TEX36: variants seen among roughly 807,000 people sequenced by gnomAD.
The protein encoded by TEX36 is testis-expressed protein 36.
A neutral mutation model predicts 13.6 loss-of-function variants in TEX36; 12 were observed. That is an observed-to-expected ratio of 0.88 (90% CI 0.56 to 1.43). TEX36 has a LOEUF of 1.43. Among genes scored for constraint, TEX36 ranks in the 40% most tolerant of loss-of-function variants. The pLI is 0.00. For missense variants in TEX36, 224 were observed against 228.3 expected (o/e 0.98, Z 0.12); for synonymous variants, 93 against 83.0 (o/e 1.12, Z -0.65).
In TEX36 at chr10:125,624,253, C is replaced by T. The variant is rs548470830; in HGVS notation, c.265-2608G>A. On this transcript the variant is annotated intron_variant, in intron 3 of 3. Transcript: ENST00000526819. ...CCATTCACTATCCCCCTAAGAACTT[C>T]CCAAATGACAGTGAGAGACACCGAT... Among the ~76,000 whole-genome samples, 12 of 152,292 alleles carry T rather than the reference C, an allele frequency of 7.9e-5. No individual in the cohort carries two copies. The South Asian group carries it at 2.5e-3, about 32-fold the overall frequency.
downstream of TEX36, among the ~76,000 whole-genome samples, chr10:125,619,678 T>C (rs1204402706): frequency 6.6e-6 from 1 of 151,882 alleles, no homozygotes; most frequent in East Asian, 1.9e-4. Context: ...TGCCTCAGCC[T>C]CCCGAGTATC....
At chr10:125,653,276 G>A (rs1230993191), downstream of TEX36, among the ~76,000 whole-genome samples, 1 of 152,030 alleles carries the variant, frequency 6.6e-6, no homozygotes, top group Non-Finnish European at 1.5e-5. Flanking sequence ...AGAAAATGTG[G>A]CACATATACA....
chr10:125,671,245 T>A (rs1203296015), intron 1 of TEX36, among the ~76,000 whole-genome samples: 1 of 152,250 alleles, frequency 6.6e-6, no homozygotes, highest in Non-Finnish European at 1.5e-5. Flanking sequence ...CTTTTACCCA[T>A]CCAGTATGAC....
chr10:125,658,144 C>G (rs1846976293), intron 3 of TEX36, among the ~76,000 whole-genome samples: 1 of 151,668 alleles, frequency 6.6e-6, no homozygotes, highest in South Asian at 2.1e-4. Context: ...TTTTTTAAAA[C>G]TCTGCTGCAT....
At chr10:125,596,930 G>A (rs1006578258) in intron 3 of TEX36, among the ~76,000 whole-genome samples, 3 of 152,106 alleles carry the variant, frequency 2.0e-5, no homozygotes, top group South Asian at 2.1e-4. Flanking sequence ...CTGTTAACTC[G>A]CCTCATCTGT....
chr10:125,624,044 G>T (rs1846457383), intron 3 of TEX36, among the ~76,000 whole-genome samples: 1 of 152,144 alleles, frequency 6.6e-6, no homozygotes, highest in Non-Finnish European at 1.5e-5. Context: ...AATTCTCTAT[G>T]TCTCTGCTTT....
chr10:125,619,523 G>T (rs543457236), downstream of TEX36, among the ~76,000 whole-genome samples: 1 of 152,032 alleles, frequency 6.6e-6, no homozygotes, highest in African/African-American at 2.4e-5. Flanking sequence ...CTTTTTGAAA[G>T]CTCAGATGGT....
At chr10:125,618,882 G>A (rs572400389), downstream of TEX36, among the ~76,000 whole-genome samples, 1 of 147,146 alleles carries the variant, frequency 6.8e-6, no homozygotes, top group African/African-American at 2.5e-5. Flanking sequence ...CGAGGCAGGT[G>A]GATCACTAGG....
chr10:125,665,300 T>C (rs1565188844), intron 1 of TEX36, among the ~76,000 whole-genome samples: 1 of 152,172 alleles, frequency 6.6e-6, no homozygotes, highest in Non-Finnish European at 1.5e-5. Context: ...TTGGAGATCT[T>C]AGTCATAAAT....
chr10:125,577,218 T>C (rs2133517629), intron 3 of TEX36, among the ~76,000 whole-genome samples: 1 of 152,266 alleles, frequency 6.6e-6, no homozygotes, highest in African/African-American at 2.4e-5. Context: ...AATATCAGGC[T>C]GGGTGCAGTG....
At chr10:125,666,959 C>T in intron 1 of TEX36, 1 of 926,902 alleles carries the variant, frequency 1.1e-6, no homozygotes, top group Admixed American at 2.4e-5. Flanking sequence ...CTTGACAGGC[C>T]AGGCTGTTGG....
intron 3 of TEX36, among the ~76,000 whole-genome samples, chr10:125,631,365 C>A (rs944673902): frequency 6.6e-6 from 1 of 152,200 alleles, no homozygotes; most frequent in East Asian, 1.9e-4. Context: ...ATTTCAGAAG[C>A]CCTCTGTGTA....
In TEX36 at chr10:125,624,794, C is replaced by T. The variant is rs1475370071; in HGVS notation, c.265-3149G>A. Among the ~76,000 whole-genome samples the T allele has an allele frequency of 3.3e-5, 5 of 151,906 alleles. 1 individual carries two copies. Among genetic ancestry groups the T allele is most frequent in the Non-Finnish European group, 7.4e-5 (5 of 68,000 alleles). ...ACAGAGGGTTTTGTGAGAGGGGGCT[C>T]GGGGGCAGATCCCAGGGAAAGTGAC... On this transcript the variant is annotated intron_variant, in intron 3 of 3. Transcript: ENST00000526819.
intron 3 of TEX36, among the ~76,000 whole-genome samples, chr10:125,612,966 G>T (rs1846308536): frequency 6.6e-6 from 1 of 151,814 alleles, no homozygotes; most frequent in Non-Finnish European, 1.5e-5. Flanking sequence ...AATACTAAAG[G>T]CAGCCACCAG....
At chr10:125,640,312 T>C in intron 3 of TEX36, 1 of 579,646 alleles carries the variant, frequency 1.7e-6, no homozygotes, top group Non-Finnish European at 2.2e-6. Context: ...GTTTAATTTC[T>C]ATTGGGAGAG....
At chr10:125,583,390 C>T (rs182211527) in intron 3 of TEX36, among the ~76,000 whole-genome samples, 7 of 152,322 alleles carry the variant, frequency 4.6e-5, no homozygotes, top group Admixed American at 3.3e-4. Context: ...AAGATGGTGC[C>T]TCTTGCTGTG....
chr10:125,667,867 C>A lies in TEX36; in HGVS notation c.52-5890G>T. ...TGGACTCATCTGCAGCCAGGATGCC[C>A]TTGCCCAGTGCCACGATGCGGTGAG... On this transcript the variant is annotated intron_variant, in intron 1 of 3. Transcript: ENST00000368821. The A allele has an allele frequency of 2.6e-6, 4 of 1,519,090 alleles. No homozygotes were observed. The East Asian group carries it at 9.1e-5, about 35-fold the overall frequency. The allele number at this position is 1,519,090 out of a possible 1,614,324, so 94.1% of individuals were successfully genotyped here. A position where few individuals can be genotyped will look rare whatever the true frequency, so the allele number is the denominator to read the frequency against.
In TEX36 at chr10:125,683,009, G is replaced by T; in HGVS notation, c.-20C>A. The stretch of plus-strand genomic sequence containing the variant: ...GGTCATTCTCTCCAGGAAGCTGAAT[G>T]TGGCTGAGATTGGCTCCCTCACCTC... On this transcript the variant is annotated 5_prime_UTR_variant, in exon 1 of 4. Coordinates refer to ENST00000368821, the MANE Select transcript of TEX36 (RefSeq NM_001128202.3). 6.4e-7 allele frequency: 1 copy of T among 1,551,728 alleles called. No individual in the cohort carries two copies. The highest frequency in any genetic ancestry group is 1.2e-5 in the South Asian group (1 of 84,060).
intron 3 of TEX36, among the ~76,000 whole-genome samples, chr10:125,602,068 G>T (rs1846156177): frequency 6.6e-6 from 1 of 152,170 alleles, no homozygotes; most frequent in African/African-American, 2.4e-5. Flanking sequence ...AGGCCAGCCT[G>T]GGCTCTGCCT....
Sources: gnomAD v4.1 joint callset for allele counts (sites outside exome capture counted in the v4.1 genomes callset) on GRCh38, gnomAD v4.1.1 for gene constraint, MANE v1.5 for transcripts, NCBI Gene and HGNC (gene_info 2026-07-23, HGNC 2026-07-21) for gene names.